RIF1: variants seen among roughly 807,000 people sequenced by gnomAD.
RIF1 encodes the protein telomere-associated protein RIF1.
RIF1 carries 45 observed loss-of-function variants against 247.1 expected under a neutral mutation model. That is an observed-to-expected ratio of 0.18 (90% CI 0.14 to 0.23). The LOEUF (loss-of-function observed/expected upper bound fraction) is 0.23. RIF1 is among the 10% of genes least tolerant of loss of function. The probability of loss-of-function intolerance (pLI) is 1.00; values close to 1 mark genes in which losing one functional copy is unlikely to be tolerated. For missense variants in RIF1, 2,967 were observed against 2,862.5 expected (o/e 1.04, Z -0.83); for synonymous variants, 1,087 against 978.8 (o/e 1.11, Z -2.06).
chr2:151,423,628 T>C (rs1008113218), intron 8 of RIF1: 1 of 152,382 alleles, frequency 6.6e-6, no homozygotes, highest in Non-Finnish European at 1.5e-5. Flanking sequence ...AAGTGTTGTG[T>C]CCAGAGAACC....
chr2:151,419,093 GA>G (rs1353971526), intron 6 of RIF1, among the ~76,000 whole-genome samples: 2 of 148,964 alleles, frequency 1.3e-5, no homozygotes, highest in African/African-American at 5.0e-5. Context: ...TTGTCATACT[GA>G]AATGTGTTCA....
At chr2:151,455,948 T>G (rs1558998783) in intron 22 of RIF1, among the ~76,000 whole-genome samples, 1 of 152,228 alleles carries the variant, frequency 6.6e-6, no homozygotes, top group Non-Finnish European at 1.5e-5. Context: ...AATTGAACAT[T>G]ATTTATACGT....
chr2:151,498,386 G>GCAAT (rs763927695), intron 10 of RIF1: 119 of 1,449,920 alleles, frequency 8.2e-5, no homozygotes, highest in Middle Eastern at 3.5e-4. Flanking sequence ...AACAAAAAAA[G>GCAAT]CAATCAATCA....
At position 151,464,956 on chromosome 2, in the gene RIF1, T is replaced by C; in HGVS notation, c.5436T>C (p.Ile1812=). The stretch of plus-strand genomic sequence containing the variant: ...ATGATACTATTAATGATTCATTAAT[T>C]GTTTCTGAAACCAAATCAAAAGAAA... ...EDNDTINDSL[I]VSETKSKENT... is the part of the protein sequence containing the mutation. Residue 1812 remains isoleucine, a synonymous_variant, in exon 30 of 36, where the codon ATT becomes ATC. Coordinates refer to ENST00000444746, the MANE Select transcript of RIF1 (RefSeq NM_018151.5). 1 of 1,572,320 alleles carries C rather than the reference T, an allele frequency of 6.4e-7. No homozygotes were observed. Among genetic ancestry groups the C allele is most frequent in the Non-Finnish European group, 8.6e-7 (1 of 1,166,900 alleles).
chr2:151,444,825 C>A (rs1692977023), intron 18 of RIF1, among the ~76,000 whole-genome samples: 1 of 152,094 alleles, frequency 6.6e-6, no homozygotes, highest in South Asian at 2.1e-4. Context: ...CATAATTTCC[C>A]CAGATTGCAA....
intron 15 of RIF1, among the ~76,000 whole-genome samples, chr2:151,441,504 T>C (rs1692290128): frequency 6.6e-6 from 1 of 152,232 alleles, no homozygotes; most frequent in Admixed American, 6.5e-5. Flanking sequence ...TGAAGGTTAG[T>C]TGCAGAGTTT....
intron 12 of RIF1, among the ~76,000 whole-genome samples, chr2:151,505,731 G>A (rs139367179): frequency 8.5e-5 from 13 of 152,258 alleles, no homozygotes; most frequent in Non-Finnish European, 1.5e-4. Flanking sequence ...TCTGATACTG[G>A]GTAAGAGGAG....
intron 7 of RIF1, among the ~76,000 whole-genome samples, chr2:151,422,582 C>T (rs995631343): frequency 3.3e-5 from 5 of 151,934 alleles, no homozygotes; most frequent in South Asian, 2.1e-4. Flanking sequence ...TCTCTGCAAC[C>T]TCCACCTCCC....
intron 11 of RIF1, among the ~76,000 whole-genome samples, chr2:151,499,859 C>T (rs994025493): frequency 2.0e-5 from 3 of 152,120 alleles, no homozygotes; most frequent in Non-Finnish European, 4.4e-5. Context: ...TATAGAGGTT[C>T]AATATGTGGC....
At position 151,493,951 on chromosome 2, in the gene RIF1, T is replaced by C. The variant is rs148275764; in HGVS notation, c.*416-1278T>C. On this transcript the variant is annotated intron_variant and NMD_transcript_variant, in intron 9 of 13. Transcript: ENST00000454583. Reference sequence around the variant, plus strand: ...TATTGCAAGTTGGGGGGAAATGTTATGTTTAATCTATTACTATTAGTGAGA... The same window carrying C: ...TATTGCAAGTTGGGGGGAAATGTTACGTTTAATCTATTACTATTAGTGAGA... The C allele has an allele frequency of 4.2e-5, 42 of 1,001,996 alleles. No individual in the cohort carries two copies. In the Middle Eastern group the frequency reaches 8.4e-4, roughly 20 times the overall value. 62.1% of individuals were successfully genotyped at this position (1,001,996 alleles called of 1,614,324 possible).
intron 18 of RIF1, among the ~76,000 whole-genome samples, chr2:151,444,425 T>G (rs1649156283): frequency 1.3e-5 from 2 of 152,218 alleles, no homozygotes; most frequent in East Asian, 3.8e-4. Flanking sequence ...TTCTCCTGTT[T>G]CAGCCTCCCA....
At chr2:151,422,341 A>G (rs1195593743) in intron 7 of RIF1, among the ~76,000 whole-genome samples, 1 of 152,224 alleles carries the variant, frequency 6.6e-6, no homozygotes, top group Non-Finnish European at 1.5e-5. Context: ...TGGTAGAAAA[A>G]AAAAGTTGGA....
In RIF1 at chr2:151,475,329, G is replaced by C; in HGVS notation, c.*258G>C. Reference sequence around the variant, plus strand: ...GGAAATTTAATTATCTTACTGAGATGTGAAAGCAAAACTAGTAACAGAACT... The same window carrying C: ...GGAAATTTAATTATCTTACTGAGATCTGAAAGCAAAACTAGTAACAGAACT... On this transcript the variant is annotated 3_prime_UTR_variant, in exon 36 of 36. Transcript: ENST00000444746. The C allele has an allele frequency of 2.4e-6, 1 of 408,618 alleles. No homozygotes were observed. The highest frequency in any genetic ancestry group is 5.3e-5 in the East Asian group (1 of 18,698). 25.3% of individuals were successfully genotyped at this position (408,618 alleles called of 1,614,324 possible).
Position 151,464,478 on chromosome 2 carries a change from A to G in RIF1, c.4958A>G (p.Lys1653Arg). ...GATTTACCAAATGTGTGTGAGGAAA[A>G]AAATGAAACTAGCAAATATGCAGAA... ...PDDLPNVCEE[K>R]NETSKYAEYS... Residue 1653 changes from lysine (K) to arginine (R), a missense_variant, in exon 30 of 36, where the codon AAA becomes AGA. Around this residue, in one of 7 missense-constraint regions of RIF1, gnomAD observed 2,028 missense variants for 1,825.6 expected, o/e 1.11. Coordinates refer to ENST00000444746, the MANE Select transcript of RIF1 (RefSeq NM_018151.5). 6.2e-7 allele frequency: 1 copy of G among 1,613,100 alleles called. No homozygotes were observed. The highest frequency in any genetic ancestry group is 1.1e-5 in the South Asian group (1 of 90,610).
chr2:151,507,996 AAAACTT>A, exon 14 of RIF1: 1 of 1,592,484 alleles, frequency 6.3e-7, no homozygotes, highest in Non-Finnish European at 8.6e-7. Context: ...ACATTTAATA[AAAACTT>A]ACAAGGCTGA....
At chr2:151,468,922 A>G (rs993479965) in intron 33 of RIF1, among the ~76,000 whole-genome samples, 166 bp downstream of exon 33, 5 of 152,226 alleles carry the variant, frequency 3.3e-5, no homozygotes, top group African/African-American at 1.2e-4. Flanking sequence ...AGATAAGGCA[A>G]TATGAAAAAC....
rs1696815435 is a variant in RIF1 at position 151,465,986 on chromosome 2, G to A, written c.6466G>A (p.Val2156Met). The stretch of plus-strand genomic sequence containing the variant: ...ACTAAGGGAACTTGATCCTTCACTT[G>A]TGTCAGCAAATGACAGTCCTAGTGG... ...QKLRELDPSL[V>M]SANDSPSGMQ... The change falls in exon 30 of 36, where the codon GTG (valine) becomes ATG (methionine). Residue 2156 changes from valine to methionine, a missense_variant. Coordinates refer to ENST00000444746, the MANE Select transcript of RIF1 (RefSeq NM_018151.5). The A allele has an allele frequency of 1.9e-6, 3 of 1,613,976 alleles. No individual in the cohort carries two copies. The highest frequency in any genetic ancestry group is 2.5e-6 in the Non-Finnish European group (3 of 1,179,954).
At position 151,492,237 on chromosome 2, in the gene RIF1, T is replaced by G. The variant is rs751387280; in HGVS notation, c.*416-2992T>G. On this transcript the variant is annotated intron_variant and NMD_transcript_variant, in intron 9 of 13. Coordinates refer to the RIF1 transcript ENST00000454583. Reference sequence around the variant, plus strand: ...CAGTGATAGGATCTGTCACCACTGGTGTGAAGCAACCCTTGTGTTTCTCAA... The same window carrying G: ...CAGTGATAGGATCTGTCACCACTGGGGTGAAGCAACCCTTGTGTTTCTCAA... 8 of 1,613,794 alleles carry G rather than the reference T, an allele frequency of 5.0e-6. No individual in the cohort carries two copies. The highest frequency in any genetic ancestry group is 1.3e-5 in the African/African-American group (1 of 74,924).
intron 4 of RIF1, 111 bp downstream of exon 4, chr2:151,415,030 C>T (rs1220438299): frequency 5.9e-6 from 4 of 680,334 alleles, no homozygotes; most frequent in Admixed American, 2.8e-5. Flanking sequence ...GTTTCAGAAC[C>T]TGTAGTTTAA....
Sources: gnomAD v4.1 joint callset for allele counts (sites outside exome capture counted in the v4.1 genomes callset) on GRCh38, gnomAD v4.1.1 for gene constraint, gnomAD v4.1.1 regional missense constraint, MANE v1.5 for transcripts, NCBI Gene and HGNC (gene_info 2026-07-23, HGNC 2026-07-21) for gene names.